Variants in LRP1 observed in about 807,000 individuals in gnomAD.
LRP1 encodes the protein prolow-density lipoprotein receptor-related protein 1.
In LRP1, 51 loss-of-function variants were observed where a neutral mutation model predicts 541.5. The observed-to-expected ratio is 0.09, with a 90% CI of 0.08 to 0.12. LRP1 has a LOEUF of 0.12. LRP1 is among the 10% of genes least tolerant of loss of function. The pLI is 1.00. For synonymous variants in LRP1, 2,219 were observed against 2,470.8 expected (o/e 0.90, Z 3.02); for missense variants, 3,878 against 6,376.2 (o/e 0.61, Z 13.34).
chr12:57,145,626 A>C, intron 6 of LRP1, 136 bp downstream of exon 6: 1 of 1,172,022 alleles, frequency 8.5e-7, no homozygotes, highest in Non-Finnish European at 1.2e-6. Flanking sequence ...GCTGGATACA[A>C]TGGTGTGTGT....
chr12:57,211,493 G>C lies in LRP1; in HGVS notation c.13098G>C (p.Thr4366=), dbSNP rs771447920. 2 of 1,613,798 alleles carry C rather than the reference G, an allele frequency of 1.2e-6. No homozygotes were observed. The highest frequency in any genetic ancestry group is 1.7e-6 in the Non-Finnish European group (2 of 1,180,016). ...CTCTGATTCCTTCCTGCAGCTGCACGGATGGCCGGGTGGCCCCCAGCTGTC... is the reference window on the plus strand; with the variant it reads ...CTCTGATTCCTTCCTGCAGCTGCACCGATGGCCGGGTGGCCCCCAGCTGTC... ...KQSGDVTCNC[T]DGRVAPSCLT... is the part of the protein sequence containing the mutation. The change falls in exon 85 of 89, where the codon ACG becomes ACC. Residue 4366 remains threonine (T), a synonymous_variant. Transcript: ENST00000243077. This position sits in a 1 kb window ranked among gnomAD's most constrained non-coding sequence, Gnocchi z 4.3.
At chr12:57,180,199 C>T (rs1288842035) in intron 31 of LRP1, 58 bp downstream of exon 31, 1 of 1,583,802 alleles carries the variant, frequency 6.3e-7, no homozygotes, top group Non-Finnish European at 8.7e-7. Context: ...CCAGCAGGTG[C>T]TTGCAGGGTC....
At position 57,177,304 on chromosome 12, in the gene LRP1, C is replaced by T; in HGVS notation, c.4196+59C>T. 1 of 1,592,738 alleles carries T rather than the reference C, an allele frequency of 6.3e-7. No homozygotes were observed. Among genetic ancestry groups the T allele is most frequent in the Non-Finnish European group, 8.6e-7 (1 of 1,163,952 alleles). On this transcript the variant is annotated intron_variant, in intron 25 of 88. Transcript: ENST00000243077. The surrounding 1 kb of genome is among the most constrained non-coding windows in gnomAD (Gnocchi z 6.8). The stretch of plus-strand genomic sequence containing the variant: ...TGGCCCCCCTGAAGTCCCATTCAGC[C>T]TGGCCAGGGACACCTTACTCCTCAG...
chr12:57,135,727 C>A (rs190630256), intron 1 of LRP1, among the ~76,000 whole-genome samples: 198 of 152,336 alleles, frequency 1.3e-3, no homozygotes, highest in African/African-American at 4.7e-3. Flanking sequence ...ATCCCCCATC[C>A]CCTCCCTGCA....
chr12:57,203,820 C>A (rs1049463523), intron 70 of LRP1: 6 of 387,616 alleles, frequency 1.5e-5, no homozygotes, highest in African/African-American at 4.2e-5. Flanking sequence ...CTAGGCCCCA[C>A]CCCACAAGTC....
In LRP1 at chr12:57,156,680, C is replaced by T. The variant is rs906828229; in HGVS notation, c.1418-97C>T. 1.5e-6 allele frequency: 2 copies of T among 1,370,464 alleles called. No homozygotes were observed. The highest frequency in any genetic ancestry group is 2.9e-5 in the African/African-American group (2 of 69,144). The allele number at this position is 1,370,464 out of a possible 1,614,324, so 84.9% of individuals were successfully genotyped here. On this transcript the variant is annotated intron_variant, in intron 9 of 88. Coordinates refer to ENST00000243077, the MANE Select transcript of LRP1 (RefSeq NM_002332.3). This position sits in a 1 kb window ranked among gnomAD's most constrained non-coding sequence, Gnocchi z 5.2. The stretch of plus-strand genomic sequence containing the variant: ...TAAAATGGGATAGCAAGCACAAAGA[C>T]CACAGCAGCAGGGGGTGTGGTCAGA...
At position 57,185,690 on chromosome 12, in the gene LRP1, T is replaced by C; in HGVS notation, c.6623T>C (p.Ile2208Thr). 6.2e-7 allele frequency: 1 copy of C among 1,614,042 alleles called. No individual in the cohort carries two copies. The highest frequency in any genetic ancestry group is 8.5e-7 in the Non-Finnish European group (1 of 1,179,968). The change falls in exon 41 of 89, where the codon ATT (isoleucine) becomes ACT (threonine). Residue 2208 changes from isoleucine to threonine, a missense_variant. Ile to Thr is a moderately conservative substitution (Grantham distance 89, BLOSUM62 -1). Coordinates refer to ENST00000243077, the MANE Select transcript of LRP1 (RefSeq NM_002332.3). The surrounding 1 kb of genome is among the most constrained non-coding windows in gnomAD (Gnocchi z 4.9). ...AGYLLYSERT[I>T]LKSIHLSDER... ...TACCTGCTCTACTCAGAGCGCACCA[T>C]TCTCAAGAGTATCCACCTGTCGGAT...
chr12:57,154,557 C>T lies in LRP1; in HGVS notation c.1083C>T (p.Leu361=), dbSNP rs147797119. 312 of 1,614,170 alleles carry T rather than the reference C, an allele frequency of 1.9e-4. No homozygotes were observed. The highest frequency in any genetic ancestry group is 5.3e-4 in the East Asian group (24 of 44,890). The change falls in exon 8 of 89, where the codon CTC becomes CTT. Residue 361 remains leucine (L), a synonymous_variant. Transcript: ENST00000243077. The surrounding 1 kb of genome is among the most constrained non-coding windows in gnomAD (Gnocchi z 4.6). ...CDMDGQNRTK[L]VDSKIVFPHG... ...TGGATGGGCAGAACCGCACCAAGCT[C>T]GTCGACAGCAAGATTGTGTTTCCTC...
chr12:57,136,077 GCTGGTCAGGGGAAGCGGACGGTTCT>G (rs2035156107), intron 1 of LRP1, among the ~76,000 whole-genome samples: 1 of 152,254 alleles, frequency 6.6e-6, no homozygotes, highest in African/African-American at 2.4e-5. Flanking sequence ...GCCGGCCACG[GCTGGTCAGGGGAAGCGGACGGTTCT>G]CCGGCATGCT....
At chr12:57,198,822 G>A in intron 60 of LRP1, 152 bp downstream of exon 60, 1 of 813,608 alleles carries the variant, frequency 1.2e-6, no homozygotes, top group Non-Finnish European at 2.0e-6. Context: ...GGGGTTCAGA[G>A]CACCCCGGGG....
intron 45 of LRP1, 88 bp downstream of exon 45, chr12:57,193,058 C>A: frequency 1.9e-6 from 3 of 1,583,590 alleles, no homozygotes; most frequent in Non-Finnish European, 2.6e-6. Context: ...CCAGCCCAGC[C>A]CCCCAAAGCC....
Position 57,128,721 on chromosome 12 carries a change from G to A in LRP1, c.-244G>A, listed in dbSNP as rs554060925. The A allele has an allele frequency of 5.3e-5, 22 of 418,864 alleles. No individual in the cohort carries two copies. The highest frequency in any genetic ancestry group is 2.4e-4 in the East Asian group (7 of 28,668). The allele number at this position is 418,864 out of a possible 1,614,324, so 25.9% of individuals were successfully genotyped here. A position where few individuals can be genotyped will look rare whatever the true frequency, so the allele number is the denominator to read the frequency against. ...AAAGAGCAGCGAGGAGTGAAGCGGGGGGGTGGGGTGAAGGGTTTGGATTTC... is the reference window on the plus strand; with the variant it reads ...AAAGAGCAGCGAGGAGTGAAGCGGGAGGGTGGGGTGAAGGGTTTGGATTTC... On this transcript the variant is annotated 5_prime_UTR_variant, in exon 1 of 89. Coordinates refer to ENST00000243077, the MANE Select transcript of LRP1 (RefSeq NM_002332.3).
At chr12:57,138,734 C>T (rs1240491431) in intron 2 of LRP1, among the ~76,000 whole-genome samples, 153 bp downstream of exon 2, 2 of 152,234 alleles carry the variant, frequency 1.3e-5, no homozygotes. Flanking sequence ...CTGTCCTTTA[C>T]ACCCCTTCAA....
chr12:57,156,797 A>G lies in LRP1; in HGVS notation c.1438A>G (p.Asn480Asp). The change falls in exon 10 of 89, where the codon AAC becomes GAC. Residue 480 changes from asparagine (N) to aspartate (D), a missense_variant. Asn to Asp is a conservative substitution (Grantham distance 23). Coordinates refer to ENST00000243077, the MANE Select transcript of LRP1 (RefSeq NM_002332.3). The surrounding 1 kb of genome is among the most constrained non-coding windows in gnomAD (Gnocchi z 5.2). ...QPRVRSHACE[N>D]DQYGKPGGCS... ...CCCAGTGAGGAGCCATGCCTGTGAA[A>G]ACGACCAGTATGGGAAGCCGGGTGG... 6.2e-7 allele frequency: 1 copy of G among 1,609,426 alleles called. No homozygotes were observed. The highest frequency in any genetic ancestry group is 1.3e-5 in the African/African-American group (1 of 74,994).
Position 57,184,135 on chromosome 12 carries a change from C to T in LRP1, c.5980C>T (p.Leu1994Phe). 6.2e-7 allele frequency: 1 copy of T among 1,614,152 alleles called. No individual in the cohort carries two copies. Among genetic ancestry groups the T allele is most frequent in the African/African-American group, 1.3e-5 (1 of 75,040 alleles). The change falls in exon 37 of 89, where the codon CTC (leucine) becomes TTC (phenylalanine). Residue 1994 changes from leucine (L) to phenylalanine (F), a missense_variant. This residue lies in a region of LRP1 where 394 missense variants were observed against 635.9 expected (regional missense o/e 0.62). Transcript: ENST00000243077. This position sits in a 1 kb window ranked among gnomAD's most constrained non-coding sequence, Gnocchi z 7.8. The part of the protein sequence containing the change: ...QGFDVIEVAR[L>F]NGSFRYVVIS... ...CTTTGATGTCATCGAGGTCGCCCGG[C>T]TCAATGGCTCCTTCCGCTACGTGGT...
At position 57,205,752 on chromosome 12, in the gene LRP1, A is replaced by G; in HGVS notation, c.11590+75A>G. 6.3e-7 allele frequency: 1 copy of G among 1,577,230 alleles called. No individual in the cohort carries two copies. The highest frequency in any genetic ancestry group is 8.6e-7 in the Non-Finnish European group (1 of 1,165,580). ...GGATATCAAACGGGGCCGACTTGGA[A>G]TGGAATGTCTTCCTGCGGACATCTT... On this transcript the variant is annotated intron_variant, in intron 75 of 88. Coordinates refer to ENST00000243077, the MANE Select transcript of LRP1 (RefSeq NM_002332.3). The surrounding 1 kb of genome is among the most constrained non-coding windows in gnomAD (Gnocchi z 4.6).
intron 2 of LRP1, among the ~76,000 whole-genome samples, chr12:57,140,715 C>A (rs773587487): frequency 6.6e-6 from 1 of 152,106 alleles, no homozygotes; most frequent in Admixed American, 6.5e-5. Context: ...CTGCTTCCCT[C>A]AGCTCATCAA....
chr12:57,200,423 GC>G lies in LRP1; in HGVS notation c.10015-14del, dbSNP rs2036624583. Reference sequence around the variant, plus strand: ...CCCCAGACCCCCACCAACCCCTCTTGCCCCCACCTGCCCTCCAGTTTGTATG... The same window carrying G: ...CCCCAGACCCCCACCAACCCCTCTTGCCCCACCTGCCCTCCAGTTTGTATG... On this transcript the variant is annotated intron_variant, in intron 62 of 88. Coordinates refer to ENST00000243077, the MANE Select transcript of LRP1 (RefSeq NM_002332.3). 2.8e-6 allele frequency: 2 copies of G among 702,004 alleles called. No individual in the cohort carries two copies. The highest frequency in any genetic ancestry group is 4.7e-6 in the Non-Finnish European group (2 of 427,638). 43.5% of individuals were successfully genotyped at this position (702,004 alleles called of 1,614,324 possible).
chr12:57,210,680 G>C, intron 82 of LRP1, 38 bp from the exon 83 acceptor site: 1 of 1,585,670 alleles, frequency 6.3e-7, no homozygotes, highest in Non-Finnish European at 8.6e-7. Flanking sequence ...AGGTGGTCTC[G>C]AGGGCCACAG....
Sources: gnomAD v4.1 joint callset for allele counts (sites outside exome capture counted in the v4.1 genomes callset) on GRCh38, gnomAD v4.1.1 for gene constraint, gnomAD v4.1.1 regional missense constraint, Gnocchi (gnomAD v3.1) non-coding constraint, MANE v1.5 for transcripts, NCBI Gene and HGNC (gene_info 2026-07-23, HGNC 2026-07-21) for gene names.